The following BICD1 variants were observed in gnomAD, a reference collection of about 807,000 sequenced individuals.
BICD1 encodes the protein BICD cargo adaptor 1.
In BICD1, 35 loss-of-function variants were observed where a neutral mutation model predicts 92.5. The ratio of observed to expected loss-of-function variants is 0.38; its 90% CI spans 0.29 to 0.50. The LOEUF (loss-of-function observed/expected upper bound fraction) is 0.50, where lower values mean the gene tolerates loss of function less well. Ranked by LOEUF, BICD1 falls within the 20% of genes least tolerant of loss-of-function variation. The pLI is 0.93. For missense variants in BICD1, 950 were observed against 1,189.8 expected, an observed-to-expected ratio of 0.80 and a Z score of 2.97; for synonymous variants, 429 against 465.1, an observed-to-expected ratio of 0.92 and a Z score of 1.00.
At chr12:32,126,510 A>G (rs1386853454) in intron 1 of BICD1, among the ~76,000 whole-genome samples, 1 of 152,016 alleles carries the variant, frequency 6.6e-6, no homozygotes, top group African/African-American at 2.4e-5. Flanking sequence ...TAATCTTAGC[A>G]TTTTGGGAGG....
intron 2 of BICD1, among the ~76,000 whole-genome samples, chr12:32,283,359 A>ACCACTCCACT (rs10672753): frequency 0.029 from 4,328 of 149,524 alleles, 203 homozygotes; most frequent in African/African-American, 0.094. Context: ...TGGGCATTTG[A>ACCACTCCACT]CCACTCCACT....
chr12:32,356,650 G>T (rs929378544), intron 8 of BICD1, among the ~76,000 whole-genome samples: 8 of 151,942 alleles, frequency 5.3e-5, no homozygotes, highest in African/African-American at 1.7e-4. Context: ...AAAGAAAGAA[G>T]AAAGCTGAGA....
intron 2 of BICD1, among the ~76,000 whole-genome samples, chr12:32,267,822 G>C (rs1302512742): frequency 6.6e-6 from 1 of 151,976 alleles, no homozygotes; most frequent in African/African-American, 2.4e-5. Context: ...AGTTTTTTTA[G>C]AGACAGGGTC....
intron 7 of BICD1, 22 bp from the exon 8 acceptor site, chr12:32,338,763 AT>A: frequency 6.4e-7 from 1 of 1,556,912 alleles, no homozygotes; most frequent in South Asian, 1.2e-5. Context: ...TCCTATATGT[AT>A]TTTTCTTGGA....
intron 1 of BICD1, among the ~76,000 whole-genome samples, chr12:32,182,278 C>CTTGTTTTTTTTT: frequency 1.2e-5 from 1 of 81,422 alleles, no homozygotes; most frequent in Non-Finnish European, 2.4e-5. Context: ...TTCTTTCTTT[C>CTTGTTTTTTTTT]TTTTTTTTTT....
At chr12:32,293,685 G>A (rs1022581698) in intron 2 of BICD1, among the ~76,000 whole-genome samples, 3 of 152,136 alleles carry the variant, frequency 2.0e-5, no homozygotes, top group Admixed American at 6.6e-5. Flanking sequence ...GCATGATAAT[G>A]TGTTCCCCAA....
intron 1 of BICD1, among the ~76,000 whole-genome samples, chr12:32,118,706 G>A (rs1307463210): frequency 6.6e-6 from 1 of 152,072 alleles, no homozygotes; most frequent in Non-Finnish European, 1.5e-5. Context: ...ATCTGCAGGG[G>A]GTCCTGGAAC....
chr12:32,188,637 C>G (rs1355830317), intron 1 of BICD1, among the ~76,000 whole-genome samples: 1 of 152,130 alleles, frequency 6.6e-6, no homozygotes, highest in Non-Finnish European at 1.5e-5. Context: ...AAATTTGTGT[C>G]TGTTGGCCTA....
chr12:32,187,334 C>T (rs925466567), intron 1 of BICD1, among the ~76,000 whole-genome samples: 1 of 152,190 alleles, frequency 6.6e-6, no homozygotes, highest in Non-Finnish European at 1.5e-5. Flanking sequence ...GGGCAAACAG[C>T]TTGACAAGTT....
At chr12:32,192,483 TAAAGCAAAAAA>T (rs1944604307) in intron 1 of BICD1, among the ~76,000 whole-genome samples, 1 of 142,466 alleles carries the variant, frequency 7.0e-6, no homozygotes, top group Admixed American at 7.0e-5. Flanking sequence ...GATAGACAAA[TAAAGCAAAAAA>T]ACCTATTACT....
At chr12:32,348,723 A>AAAAAAAATATATAT (rs1938731695) in intron 8 of BICD1, among the ~76,000 whole-genome samples, 1 of 118,016 alleles carries the variant, frequency 8.5e-6, no homozygotes. Context: ...CTCACACAAA[A>AAAAAAAATATATAT]ATATATATAT....
chr12:32,216,349 C>G lies in BICD1; in HGVS notation c.316C>G (p.Leu106Val). ...GTCAGCATCGAAGGAGGCTTACTAT[C>G]TGGGGAAGATCTTGGAGATGCAGAA... is the stretch of plus-strand genomic sequence containing the variant. The part of the protein sequence containing the change: ...QESASKEAYY[L>V]GKILEMQNEL... Residue 106 changes from leucine to valine, a missense_variant, in exon 2 of 10, where the codon CTG (leucine) becomes GTG (valine). Physicochemically the swap from Leu to Val is conservative, Grantham distance 32. Around this residue, in one of 5 missense-constraint regions of BICD1, gnomAD observed 202 missense variants for 205.3 expected, o/e 0.98. Coordinates refer to ENST00000652176, the MANE Select transcript of BICD1 (RefSeq NM_001714.4). 1 of 1,614,180 alleles carries G rather than the reference C, an allele frequency of 6.2e-7. No individual in the cohort carries two copies. Among genetic ancestry groups the G allele is most frequent in the South Asian group, 1.1e-5 (1 of 91,068 alleles).
At chr12:32,129,524 C>CAAAAA (rs756293470) in intron 1 of BICD1, among the ~76,000 whole-genome samples, 3 of 82,660 alleles carry the variant, frequency 3.6e-5, no homozygotes, top group Non-Finnish European at 6.8e-5. Flanking sequence ...GATTCCATCT[C>CAAAAA]AAAAAAAAAA....
At chr12:32,248,572 A>G (rs887103569) in intron 2 of BICD1, among the ~76,000 whole-genome samples, 1 of 152,204 alleles carries the variant, frequency 6.6e-6, no homozygotes, top group Non-Finnish European at 1.5e-5. Context: ...CTTATTATGC[A>G]TATAGATGAA....
intron 8 of BICD1, chr12:32,339,323 A>T: frequency 9.8e-7 from 1 of 1,017,526 alleles, no homozygotes; most frequent in Non-Finnish European, 1.2e-6. Context: ...AGATTTGGCC[A>T]GTTCTCTCTT....
At chr12:32,333,304 A>G in intron 5 of BICD1, 1 of 955,376 alleles carries the variant, frequency 1.0e-6, no homozygotes, top group Non-Finnish European at 1.2e-6. Flanking sequence ...CCAAGTATTT[A>G]CAGAACATAC....
intron 2 of BICD1, among the ~76,000 whole-genome samples, chr12:32,246,266 G>T (rs1007022569): frequency 1.3e-5 from 2 of 148,918 alleles, no homozygotes; most frequent in Non-Finnish European, 3.0e-5. Flanking sequence ...ACTTGTGACT[G>T]GGAGTTTGAG....
chr12:32,120,942 A>G lies in BICD1; in HGVS notation c.213+13398A>G, dbSNP rs12303981. ...AATGTGCTCCAAACTGATTATAAAT[A>G]GCTTTTGAATTGTTGGCTCCATAGA... is the stretch of plus-strand genomic sequence containing the variant. On this transcript the variant is annotated intron_variant, in intron 1 of 9. Coordinates refer to ENST00000652176, the MANE Select transcript of BICD1 (RefSeq NM_001714.4). 4.1e-3 allele frequency among the ~76,000 whole-genome samples: 615 copies of G among 151,036 alleles called. 11 individuals are homozygous for G. The highest frequency in any genetic ancestry group is 0.014 in the African/African-American group (581 of 41,168).
At chr12:32,334,693 G>A (rs1938028326) in intron 6 of BICD1, 26 bp downstream of exon 6, 1 of 1,594,998 alleles carries the variant, frequency 6.3e-7, no homozygotes, top group African/African-American at 1.3e-5. Context: ...TCCTATGACT[G>A]GGTGTGGTAG....
Sources: allele counts gnomAD v4.1 joint callset (sites outside exome capture counted in the v4.1 genomes callset), GRCh38; gene constraint gnomAD v4.1.1; regional missense constraint gnomAD v4.1.1; transcripts MANE v1.5; gene names NCBI Gene and HGNC (gene_info 2026-07-23, HGNC 2026-07-21).